ARHGAP6: variants seen among roughly 807,000 people sequenced by gnomAD.
ARHGAP6 encodes Rho GTPase activating protein 6.
A neutral mutation model predicts 55.7 loss-of-function variants in ARHGAP6; 16 were observed. The observed-to-expected ratio is 0.29, with a 90% CI of 0.19 to 0.44. The LOEUF (loss-of-function observed/expected upper bound fraction) is 0.44. Ranked by LOEUF, ARHGAP6 falls within the 20% of genes least tolerant of loss-of-function variation. The pLI, the probability that ARHGAP6 is intolerant of heterozygous loss-of-function variation, is 1.00. For missense variants in ARHGAP6, 698 were observed against 808.9 expected (o/e 0.86, Z 1.66); for synonymous variants, 382 against 360.9 (o/e 1.06, Z -0.66).
chrX:11,386,222 T>C (rs188582261), intron 1 of ARHGAP6, among the ~76,000 whole-genome samples: 37 of 113,215 alleles, frequency 3.3e-4, no homozygotes, highest in South Asian at 1.4e-3. Flanking sequence ...ATGACTCAGA[T>C]ACTAGAATTG....
chrX:11,484,840 CTTTA>C (rs2050495573), intron 1 of ARHGAP6, among the ~76,000 whole-genome samples: 1 of 111,427 alleles, frequency 9.0e-6, no homozygotes, highest in African/African-American at 3.3e-5. Context: ...TAAATAGGGG[CTTTA>C]TTTTTCTAAC....
At chrX:11,213,112 C>T (rs1372838649) in intron 2 of ARHGAP6, among the ~76,000 whole-genome samples, 1 of 112,547 alleles carries the variant, frequency 8.9e-6, no homozygotes, top group Non-Finnish European at 1.9e-5. Context: ...GGGGAGTGCT[C>T]GGAATCCTGT....
intron 1 of ARHGAP6, among the ~76,000 whole-genome samples, chrX:11,269,857 C>T (rs2047672000): frequency 8.9e-6 from 1 of 111,832 alleles, no homozygotes; most frequent in Admixed American, 9.5e-5. Context: ...GGTCTAATTG[C>T]TAGCGTCCTT....
At chrX:11,483,875 G>C (rs770535136) in intron 1 of ARHGAP6, among the ~76,000 whole-genome samples, 2 of 111,393 alleles carry the variant, frequency 1.8e-5, no homozygotes, top group African/African-American at 6.5e-5. Flanking sequence ...GACATATTTA[G>C]TGGAAGAAGT....
intron 1 of ARHGAP6, among the ~76,000 whole-genome samples, chrX:11,537,268 T>C (rs2051113008): frequency 2.7e-5 from 3 of 112,054 alleles, no homozygotes; most frequent in Non-Finnish European, 5.6e-5. Context: ...CCAGGGAACA[T>C]GTGGCAATGT....
chrX:11,329,441 T>C (rs1291706882), intron 1 of ARHGAP6, among the ~76,000 whole-genome samples: 1 of 112,392 alleles, frequency 8.9e-6, no homozygotes, highest in Non-Finnish European at 1.9e-5. Context: ...TGCCTGACTT[T>C]AAGTAATTAA....
intron 1 of ARHGAP6, among the ~76,000 whole-genome samples, chrX:11,504,690 C>T (rs1401414484): frequency 2.7e-5 from 3 of 112,263 alleles, no homozygotes; most frequent in Non-Finnish European, 5.6e-5. Flanking sequence ...TACACACCCA[C>T]TGGCTTACTG....
chrX:11,182,630 T>C (rs2046329638), intron 5 of ARHGAP6, among the ~76,000 whole-genome samples: 2 of 105,241 alleles, frequency 1.9e-5, no homozygotes. Context: ...TTTTTTTCCT[T>C]TTTTCTTTTT....
intron 1 of ARHGAP6, among the ~76,000 whole-genome samples, chrX:11,430,152 C>T (rs1175142532): frequency 8.9e-6 from 1 of 112,083 alleles, no homozygotes; most frequent in African/African-American, 3.2e-5. Flanking sequence ...TGATCATTAC[C>T]CCTGAGTAAG....
At chrX:11,449,457 C>G (rs1204104661) in intron 1 of ARHGAP6, among the ~76,000 whole-genome samples, 3 of 111,953 alleles carry the variant, frequency 2.7e-5, no homozygotes, top group Non-Finnish European at 5.6e-5. Flanking sequence ...TTCTCTCCCG[C>G]CTGGGCACAT....
chrX:11,454,944 T>C (rs1300423833), intron 1 of ARHGAP6, among the ~76,000 whole-genome samples: 2 of 112,505 alleles, frequency 1.8e-5, no homozygotes, highest in African/African-American at 3.2e-5. Context: ...TGTTTGGCTT[T>C]ATAACAAAAC....
At position 11,614,792 on chromosome X, in the gene ARHGAP6, A is replaced by G. The variant is rs754006288; in HGVS notation, c.588+49449T>C. ...TAAAAATCGATTACTGGGAGAGGCGAAGAAAACGTATTATTTTTATGTATA... is the reference window on the plus strand; with the variant it reads ...TAAAAATCGATTACTGGGAGAGGCGGAGAAAACGTATTATTTTTATGTATA... On this transcript the variant is annotated intron_variant, in intron 1 of 12. Transcript: ENST00000337414. Among the ~76,000 whole-genome samples the G allele has an allele frequency of 3.6e-5, 4 of 112,358 alleles. No individual in the cohort carries two copies. The Admixed American group carries it at 3.8e-4, about 11-fold the overall frequency.
intron 1 of ARHGAP6, among the ~76,000 whole-genome samples, chrX:11,512,743 T>G (rs772127028): frequency 1.8e-5 from 2 of 111,621 alleles, no homozygotes; most frequent in South Asian, 7.7e-4. Context: ...ACCCTAGACC[T>G]GCTGACTTCC....
rs188624818 is a variant in ARHGAP6, at chrX:11,603,102, G to T, written c.588+61139C>A. Among the ~76,000 whole-genome samples the T allele has an allele frequency of 2.8e-4, 31 of 111,943 alleles. 1 individual carries two copies. Among genetic ancestry groups the T allele is most frequent in the African/African-American group, 9.7e-4 (30 of 30,880 alleles). ...AGAAAGGGCCATGAACATGACCTTC[G>T]CTCTGAAAAGCAGAGTGGAATTTCT... On this transcript the variant is annotated intron_variant, in intron 1 of 12. Coordinates refer to ENST00000337414, the MANE Select transcript of ARHGAP6 (RefSeq NM_013427.3).
chrX:11,452,336 C>T (rs1603214062), intron 1 of ARHGAP6, among the ~76,000 whole-genome samples: 3 of 110,807 alleles, frequency 2.7e-5, no homozygotes, highest in Admixed American at 9.6e-5. Flanking sequence ...TTAGTAGAGA[C>T]GGGGTTTCAC....
intron 1 of ARHGAP6, among the ~76,000 whole-genome samples, chrX:11,559,113 C>T (rs767739862): frequency 9.2e-6 from 1 of 108,228 alleles, no homozygotes; most frequent in East Asian, 2.9e-4. Flanking sequence ...ACATCAGAGT[C>T]CTTCATGTTC....
At chrX:11,312,762 A>AT (rs1473881655) in intron 1 of ARHGAP6, among the ~76,000 whole-genome samples, 1 of 111,346 alleles carries the variant, frequency 9.0e-6, no homozygotes, top group African/African-American at 3.3e-5. Flanking sequence ...GAACTAAGTC[A>AT]TTTTCTTTAT....
At chrX:11,264,162 G>T (rs775015530) in intron 1 of ARHGAP6, among the ~76,000 whole-genome samples, 1 of 110,336 alleles carries the variant, frequency 9.1e-6, no homozygotes, top group East Asian at 2.9e-4. Context: ...TCTGCCTTTT[G>T]CCATCACCAT....
At chrX:11,361,829 C>A (rs1296859436) in intron 1 of ARHGAP6, among the ~76,000 whole-genome samples, 2 of 111,929 alleles carry the variant, frequency 1.8e-5, no homozygotes, top group African/African-American at 6.5e-5. Context: ...CCAACCCCAT[C>A]AAAAAGTGGG....
Sources: gnomAD v4.1 joint callset for allele counts (sites outside exome capture counted in the v4.1 genomes callset) on GRCh38, gnomAD v4.1.1 for gene constraint, MANE v1.5 for transcripts, NCBI Gene and HGNC (gene_info 2026-07-23, HGNC 2026-07-21) for gene names.